The following KYNU variants were observed in gnomAD, a reference collection of about 807,000 sequenced individuals.
KYNU encodes the protein L-kynurenine hydrolase.
A neutral mutation model predicts 59.2 loss-of-function variants in KYNU; 54 were observed. That is an observed-to-expected ratio of 0.91 (90% confidence interval 0.73 to 1.14). The LOEUF (loss-of-function observed/expected upper bound fraction) is 1.14, where lower values mean the gene tolerates loss of function less well. Among genes scored for constraint, KYNU ranks in the 50% most tolerant of loss-of-function variants. The pLI is 0.00. For missense variants in KYNU, 567 were observed against 554.4 expected (o/e 1.02, Z -0.23); for synonymous variants, 177 against 192.0 (o/e 0.92, Z 0.65).
At chr2:142,910,623 A>C (rs893991228) in intron 2 of KYNU, among the ~76,000 whole-genome samples, 1 of 152,036 alleles carries the variant, frequency 6.6e-6, no homozygotes, top group Non-Finnish European at 1.5e-5. Flanking sequence ...ATTGTTATTG[A>C]GGACTCAGTC....
chr2:142,960,968 G>A (rs1210153544), intron 8 of KYNU, among the ~76,000 whole-genome samples, 198 bp downstream of exon 8: 1 of 151,940 alleles, frequency 6.6e-6, no homozygotes, highest in East Asian at 1.9e-4. Flanking sequence ...GCTGGAGCAG[G>A]GGGATCACGA....
At chr2:143,035,248 C>G (rs1216828852) in intron 12 of KYNU, among the ~76,000 whole-genome samples, 1 of 152,266 alleles carries the variant, frequency 6.6e-6, no homozygotes, top group South Asian at 2.1e-4. Flanking sequence ...CAGTCAATAT[C>G]TAAACTTAAA....
chr2:142,943,419 AAAT>A (rs72195191), intron 4 of KYNU, among the ~76,000 whole-genome samples: 1 of 145,234 alleles, frequency 6.9e-6, no homozygotes, highest in Non-Finnish European at 1.5e-5. Context: ...GAAGAGAAAG[AAAT>A]AATAACCATA....
intron 3 of KYNU, among the ~76,000 whole-genome samples, chr2:142,920,754 C>T (rs1028292389): frequency 1.3e-5 from 2 of 152,130 alleles, no homozygotes; most frequent in Non-Finnish European, 2.9e-5. Context: ...ACATCTATTC[C>T]ATCCTCGCTT....
intron 6 of KYNU, among the ~76,000 whole-genome samples, chr2:142,956,726 TATTA>T (rs1162779361): frequency 1.3e-5 from 2 of 152,160 alleles, no homozygotes; most frequent in Non-Finnish European, 2.9e-5. Flanking sequence ...AAATATTATT[TATTA>T]GAGATTAAAA....
In KYNU at chr2:143,049,266, A is replaced by G. The variant is rs1028979254; in HGVS notation, c.*7094A>G. On this transcript the variant is annotated 3_prime_UTR_variant, in exon 14 of 14. Coordinates refer to ENST00000264170, the MANE Select transcript of KYNU (RefSeq NM_003937.3). ...AAGTTTCATTAGATTTCTGTTCAAA[A>G]TTCCTTCCATTTGTGATCTTTCGAA... The G allele has an allele frequency of 2.6e-5, 4 of 152,074 alleles. No individual in the cohort carries two copies. Among genetic ancestry groups the G allele is most frequent in the Admixed American group, 1.3e-4 (2 of 15,256 alleles). The allele number at this position is 152,074 out of a possible 1,614,324, so 9.4% of individuals were successfully genotyped here. A position where few individuals can be genotyped will look rare whatever the true frequency, so the allele number is the denominator to read the frequency against.
At chr2:142,955,004 A>G (rs1022448235) in intron 5 of KYNU, 133 bp downstream of exon 5, 3 of 653,998 alleles carry the variant, frequency 4.6e-6, no homozygotes, top group African/African-American at 1.8e-5. Flanking sequence ...CATTTTTACT[A>G]GGAAATGCTG....
chr2:142,972,811 TATAGAGAGAG>T (rs1684769244), intron 8 of KYNU, among the ~76,000 whole-genome samples: 1 of 132,276 alleles, frequency 7.6e-6, no homozygotes, highest in African/African-American at 3.1e-5. Context: ...TATATATATA[TATAGAGAGAG>T]AGAGAGAGAG....
chr2:142,947,036 TCTCAC>T lies in KYNU; in HGVS notation c.374-7767_374-7763del. The T allele has an allele frequency of 3.9e-6, 6 of 1,546,782 alleles. 1 individual carries two copies. In the South Asian group the frequency reaches 6.0e-5, roughly 15 times the overall value. The stretch of plus-strand genomic sequence containing the variant: ...TCATGGTACCCTTTTGTGGGCTGAT[TCTCAC>T]CTCACCCTTCCCCAAGCAACTCCTG... On this transcript the variant is annotated intron_variant, in intron 4 of 13. Transcript: ENST00000264170.
chr2:143,018,033 G>A (rs757571831), intron 10 of KYNU, among the ~76,000 whole-genome samples: 3 of 152,052 alleles, frequency 2.0e-5, no homozygotes, highest in Non-Finnish European at 2.9e-5. Context: ...ATAGATTCTG[G>A]ATATTAGAAC....
In KYNU at chr2:143,029,612, T is replaced by G. The variant is rs879567603; in HGVS notation, c.903-15T>G. ...AAAAACCCCCAAAAACCTAATGTTT[T>G]TATTTATATTTTAGATTAGTGGGAT... On this transcript the variant is annotated splice_polypyrimidine_tract_variant and intron_variant, in intron 10 of 13. Coordinates refer to ENST00000264170, the MANE Select transcript of KYNU (RefSeq NM_003937.3). 9 of 1,581,098 alleles carry G rather than the reference T, an allele frequency of 5.7e-6. No individual in the cohort carries two copies. Among genetic ancestry groups the G allele is most frequent in the African/African-American group, 2.7e-5 (2 of 74,258 alleles).
chr2:143,041,364 A>G (rs1687039473), intron 13 of KYNU, among the ~76,000 whole-genome samples: 1 of 151,942 alleles, frequency 6.6e-6, no homozygotes, highest in African/African-American at 2.4e-5. Flanking sequence ...TCTAAATCAA[A>G]CTCTGCTGTC....
At chr2:142,985,021 A>G (rs892160737) in intron 8 of KYNU, 63 bp from the exon 9 acceptor site, 1 of 969,922 alleles carries the variant, frequency 1.0e-6, no homozygotes, top group Non-Finnish European at 1.7e-6. Flanking sequence ...TCTTAAAAAT[A>G]TTTGTACTTA....
At chr2:142,910,272 G>A (rs985279180) in intron 2 of KYNU, among the ~76,000 whole-genome samples, 1 of 151,510 alleles carries the variant, frequency 6.6e-6, no homozygotes, top group African/African-American at 2.4e-5. Context: ...AAGTATCTGG[G>A]ACTACAGGCC....
At position 142,960,693 on chromosome 2, in the gene KYNU, A is replaced by T; in HGVS notation, c.652A>T (p.Ile218Phe). Reference protein sequence around the residue: ...IEKEGDSIAVILFSGVHFYTG... With the variant: ...IEKEGDSIAVFLFSGVHFYTG... ...GAAGGAAGGAGACTCAATTGCAGTG[A>T]TCCTGTTCAGTGGGGTGCATTTTTA... Residue 218 changes from isoleucine (I) to phenylalanine (F), a missense_variant, in exon 8 of 14, where the codon ATC becomes TTC. Ile to Phe is a conservative substitution (Grantham distance 21, BLOSUM62 0). Transcript: ENST00000264170. 1 of 1,613,832 alleles carries T rather than the reference A, an allele frequency of 6.2e-7. No individual in the cohort carries two copies. The highest frequency in any genetic ancestry group is 1.1e-5 in the South Asian group (1 of 91,076).
chr2:143,055,446 A>C lies in KYNU; in HGVS notation c.*13274A>C, dbSNP rs1309947580. On this transcript the variant is annotated 3_prime_UTR_variant, in exon 14 of 14. Coordinates refer to ENST00000264170, the MANE Select transcript of KYNU (RefSeq NM_003937.3). Reference sequence around the variant, plus strand: ...TCCTTTTCTTCTGTCTTCCACTTTTAAGAGCCTTTTTGAGTCTATTGAGGC... The same window carrying C: ...TCCTTTTCTTCTGTCTTCCACTTTTCAGAGCCTTTTTGAGTCTATTGAGGC... 6.6e-6 allele frequency: 1 copy of C among 152,156 alleles called. No individual in the cohort carries two copies. The highest frequency in any genetic ancestry group is 1.5e-5 in the Non-Finnish European group (1 of 68,030). The allele number at this position is 152,156 out of a possible 1,614,324, so 9.4% of individuals were successfully genotyped here. A position where few individuals can be genotyped will look rare whatever the true frequency, so the allele number is the denominator to read the frequency against.
At chr2:143,017,217 C>T (rs534260541) in intron 10 of KYNU, among the ~76,000 whole-genome samples, 22 of 152,096 alleles carry the variant, frequency 1.4e-4, no homozygotes, top group Admixed American at 1.2e-3. Flanking sequence ...CATACAAGTG[C>T]GTGTGTCTTT....
At position 142,947,604 on chromosome 2, in the gene KYNU, A is replaced by T. The variant is rs1438787696; in HGVS notation, c.374-7206A>T. ...AAGATGATAGGTCAGGTTTTTTTTC[A>T]TCTAAAGATTATCCTGGGCATACTT... On this transcript the variant is annotated intron_variant, in intron 4 of 13. Transcript: ENST00000264170. 1.8e-5 allele frequency: 3 copies of T among 167,936 alleles called. No homozygotes were observed. The South Asian group carries it at 4.8e-4, about 27-fold the overall frequency. The allele number at this position is 167,936 out of a possible 1,614,324, so 10.4% of individuals were successfully genotyped here.
intron 1 of KYNU, 73 bp downstream of exon 1, chr2:142,877,809 T>C (rs1195319491): frequency 6.6e-6 from 1 of 152,208 alleles, no homozygotes; most frequent in Non-Finnish European, 1.5e-5. Context: ...GAAACTTCTG[T>C]CAGCTAGAAT....
Sources: gnomAD v4.1 joint callset for allele counts (sites outside exome capture counted in the v4.1 genomes callset) on GRCh38, gnomAD v4.1.1 for gene constraint, MANE v1.5 for transcripts, NCBI Gene and HGNC (gene_info 2026-07-23, HGNC 2026-07-21) for gene names.